KDM2B: variants seen among roughly 807,000 people sequenced by gnomAD.
The protein encoded by KDM2B is lysine-specific demethylase 2B.
A neutral mutation model predicts 150.0 loss-of-function variants in KDM2B; 26 were observed. That is an observed-to-expected ratio of 0.17 (90% CI 0.13 to 0.24). The LOEUF (loss-of-function observed/expected upper bound fraction) is 0.24, where lower values mean the gene tolerates loss of function less well. KDM2B is among the 10% of genes least tolerant of loss of function. The pLI, the probability that KDM2B is intolerant of heterozygous loss-of-function variation, is 1.00. For synonymous variants in KDM2B, 734 were observed against 729.5 expected (o/e 1.01, Z -0.10); for missense variants, 1,265 against 1,816.9 (o/e 0.70, Z 5.52).
At chr12:121,438,939 T>C (rs571615601) in intron 22 of KDM2B, among the ~76,000 whole-genome samples, 17 of 152,132 alleles carry the variant, frequency 1.1e-4, no homozygotes, top group African/African-American at 4.1e-4. Flanking sequence ...CAAAATTGGG[T>C]TAGTTGGGCG....
Position 121,443,832 on chromosome 12 carries a change from G to A in KDM2B, c.2452-39C>T, listed in dbSNP as rs782326394. 7 of 1,421,296 alleles carry A rather than the reference G, an allele frequency of 4.9e-6. No individual in the cohort carries two copies. In the African/African-American group the frequency reaches 9.9e-5, roughly 20 times the overall value. 88.0% of individuals were successfully genotyped at this position (1,421,296 alleles called of 1,614,324 possible). A position where few individuals can be genotyped will look rare whatever the true frequency, so the allele number is the denominator to read the frequency against. On this transcript the variant is annotated intron_variant, in intron 16 of 22. Coordinates refer to ENST00000377071, the MANE Select transcript of KDM2B (RefSeq NM_032590.5). ...GAGTGGGAAGAGGAGTGACTCGCTG[G>A]TTTTCCCCTCCTTTCTTTGGGGCAG...
At chr12:121,448,253 G>T (rs534336543) in intron 13 of KDM2B, among the ~76,000 whole-genome samples, 1 of 140,380 alleles carries the variant, frequency 7.1e-6, no homozygotes, top group Non-Finnish European at 1.5e-5. Context: ...CCAGGAGGTA[G>T]AGGCTGCAGT....
chr12:121,420,154 C>A, the KDM2B span: 1 of 1,204,764 alleles, frequency 8.3e-7, no homozygotes, highest in South Asian at 1.3e-5. Flanking sequence ...GCTTTCTGGT[C>A]ATCATGGGGA....
chr12:121,573,587 C>CTT (rs35286174), intron 4 of KDM2B, among the ~76,000 whole-genome samples: 1 of 140,000 alleles, frequency 7.1e-6, no homozygotes, highest in Admixed American at 7.1e-5. Context: ...CTGTTTACTT[C>CTT]TTTTTTTTTT....
At chr12:121,576,004 C>T in intron 2 of KDM2B, 145 bp from the exon 3 acceptor site, 1 of 640,080 alleles carries the variant, frequency 1.6e-6, no homozygotes, top group East Asian at 2.7e-5. Context: ...GCAAAAGCTC[C>T]TTGGAAAATG....
At chr12:121,433,694 A>AT (rs1219006883) in intron 22 of KDM2B, among the ~76,000 whole-genome samples, 4 of 152,222 alleles carry the variant, frequency 2.6e-5, no homozygotes, top group African/African-American at 7.2e-5. Context: ...TCCTAGTAGT[A>AT]TTTTTTGCAG....
intron 4 of KDM2B, among the ~76,000 whole-genome samples, chr12:121,565,155 A>C (rs1268385303): frequency 2.0e-5 from 3 of 150,860 alleles, no homozygotes; most frequent in Non-Finnish European, 3.0e-5. Flanking sequence ...CTTGGAAAAG[A>C]ACAAAGCTGA....
At chr12:121,462,313 G>A (rs1593831757) in intron 12 of KDM2B, among the ~76,000 whole-genome samples, 3 of 152,178 alleles carry the variant, frequency 2.0e-5, no homozygotes, top group East Asian at 3.9e-4. Flanking sequence ...TTAATATAGA[G>A]AGAGTAAGGA....
chr12:121,466,818 G>C (rs1483847870), intron 12 of KDM2B, among the ~76,000 whole-genome samples: 7 of 146,044 alleles, frequency 4.8e-5, no homozygotes, highest in Admixed American at 4.7e-4. Context: ...GGAGGGCGCG[G>C]CGCGCCCCGC....
Position 121,521,127 on chromosome 12 carries a change from T to C in KDM2B, c.932-27A>G. On this transcript the variant is annotated intron_variant, in intron 8 of 22. Transcript: ENST00000377071. The surrounding 1 kb of genome is among the most constrained non-coding windows in gnomAD (Gnocchi z 4.9). Reference sequence around the variant, plus strand: ...TGGGGTGGGAAGGGCAAGGAGAGGATGAGCCGCTGGCCCCTGTGGGCTCCC... The same window carrying C: ...TGGGGTGGGAAGGGCAAGGAGAGGACGAGCCGCTGGCCCCTGTGGGCTCCC... 1 of 1,535,568 alleles carries C rather than the reference T, an allele frequency of 6.5e-7. No homozygotes were observed. Among genetic ancestry groups the C allele is most frequent in the Non-Finnish European group, 9.0e-7 (1 of 1,109,448 alleles).
intron 9 of KDM2B, chr12:121,516,295 G>A: frequency 6.1e-6 from 2 of 327,700 alleles, no homozygotes; most frequent in Admixed American, 4.6e-5. Flanking sequence ...AAAAATTGAG[G>A]GGGCTGCACT....
intron 13 of KDM2B, among the ~76,000 whole-genome samples, chr12:121,448,720 C>T (rs1555290923): frequency 6.6e-6 from 1 of 152,206 alleles, no homozygotes; most frequent in African/African-American, 2.4e-5. Context: ...AAACAGGACA[C>T]AGAAGGCAAG....
intron 11 of KDM2B, 90 bp downstream of exon 11, chr12:121,509,477 G>T (rs2140878027): frequency 6.5e-6 from 10 of 1,538,958 alleles, no homozygotes; most frequent in Non-Finnish European, 8.7e-6. Context: ...TCTGCACAGA[G>T]CCATCGTGAG....
chr12:121,422,628 C>G, the KDM2B span, among the ~76,000 whole-genome samples: 1 of 152,246 alleles, frequency 6.6e-6, no homozygotes, highest in Non-Finnish European at 1.5e-5. Flanking sequence ...AATTCCTGTT[C>G]TGTTCCAACT....
At chr12:121,524,286 C>G (rs557946395) in intron 8 of KDM2B, among the ~76,000 whole-genome samples, 1 of 152,288 alleles carries the variant, frequency 6.6e-6, no homozygotes, top group South Asian at 2.1e-4. Flanking sequence ...TTGTCTCTGT[C>G]GATCACAAGG....
intron 12 of KDM2B, among the ~76,000 whole-genome samples, chr12:121,478,866 T>TTGTTTGTGTGTGTGTGTGTG (rs61509046): frequency 0.036 from 4,763 of 131,112 alleles, 132 homozygotes; most frequent in Non-Finnish European, 0.053. Flanking sequence ...TTTTGTTTGT[T>TTGTTTGTGTGTGTGTGTGTG]TGTGTGTGTG....
chr12:121,443,052 G>A lies in KDM2B; in HGVS notation c.2566-22C>T, dbSNP rs782647804. The stretch of plus-strand genomic sequence containing the variant: ...TGAGCTGTCACGAAAAAGAAAGGAC[G>A]CAGAGCTTGCTCCCCGGGCTCGTGG... On this transcript the variant is annotated intron_variant, in intron 17 of 22. Transcript: ENST00000377071. 4.4e-6 allele frequency: 7 copies of A among 1,605,778 alleles called. No individual in the cohort carries two copies. The South Asian group carries it at 6.7e-5, about 15-fold the overall frequency.
At chr12:121,527,858 G>A (rs1217953347) in intron 8 of KDM2B, among the ~76,000 whole-genome samples, 32 of 152,062 alleles carry the variant, frequency 2.1e-4, no homozygotes, top group Non-Finnish European at 8.8e-5. Flanking sequence ...AGCTCACCTA[G>A]GCTGGCACAG....
intron 12 of KDM2B, among the ~76,000 whole-genome samples, chr12:121,483,004 A>T (rs1882323284): frequency 6.6e-6 from 1 of 151,954 alleles, no homozygotes; most frequent in Admixed American, 6.6e-5. Flanking sequence ...CTCCACTAAA[A>T]ATACAAAAAT....
Sources: gnomAD v4.1 joint callset for allele counts (sites outside exome capture counted in the v4.1 genomes callset) on GRCh38, gnomAD v4.1.1 for gene constraint, Gnocchi (gnomAD v3.1) non-coding constraint, MANE v1.5 for transcripts, NCBI Gene and HGNC (gene_info 2026-07-23, HGNC 2026-07-21) for gene names.